Variants in ESRRG observed in about 807,000 individuals in gnomAD.
ESRRG encodes the protein estrogen related receptor gamma.
Under a neutral mutation model 44.0 loss-of-function variants are expected in ESRRG, and 13 were observed. That is an observed-to-expected ratio of 0.30 (90% confidence interval 0.19 to 0.47). The LOEUF is 0.47. Among genes scored for constraint, ESRRG ranks in the 20% least tolerant of loss-of-function variants. ESRRG has a pLI of 1.00. For missense variants in ESRRG, 395 were observed against 580.6 expected (o/e 0.68, Z 3.29); for synonymous variants, 215 against 214.6 (o/e 1.00, Z -0.02).
At chr1:216,937,672 C>A (rs1306484678) in intron 2 of ESRRG, among the ~76,000 whole-genome samples, 3 of 152,168 alleles carry the variant, frequency 2.0e-5, no homozygotes, top group Non-Finnish European at 4.4e-5. Flanking sequence ...CAGCACCCAT[C>A]AAGTCTCTAC....
At chr1:216,541,839 T>C (rs2052891369) in intron 5 of ESRRG, among the ~76,000 whole-genome samples, 1 of 151,962 alleles carries the variant, frequency 6.6e-6, no homozygotes, top group Non-Finnish European at 1.5e-5. Flanking sequence ...CATTTACCTT[T>C]ATCCTGAAAA....
In ESRRG at chr1:216,709,345, A is replaced by G. The variant is rs538533103; in HGVS notation, c.56+13899T>C. Among the ~76,000 whole-genome samples, 699 of 139,328 alleles carry G rather than the reference A, an allele frequency of 5.0e-3. 15 individuals are homozygous for G. Among genetic ancestry groups the G allele is most frequent in the Admixed American group, 0.026 (372 of 14,316 alleles). 91.4% of individuals were successfully genotyped at this position (139,328 alleles called of 152,430 possible). Reference sequence around the variant, plus strand: ...TATATGTGTATGTGTGTGTGTGTGTATATATATATATATATATTCAATTTC... The same window carrying G: ...TATATGTGTATGTGTGTGTGTGTGTGTATATATATATATATATTCAATTTC... On this transcript the variant is annotated intron_variant, in intron 1 of 6. Transcript: ENST00000408911.
intron 1 of ESRRG, among the ~76,000 whole-genome samples, chr1:217,107,251 C>T (rs1017390997): frequency 1.3e-5 from 2 of 152,220 alleles, no homozygotes; most frequent in Non-Finnish European, 2.9e-5. Flanking sequence ...CCTTCGGACG[C>T]TTGGATAAGA....
rs1347398655 is a variant in ESRRG, at chr1:216,994,641, G to A, written c.-105-54968C>T. The stretch of plus-strand genomic sequence containing the variant: ...GTATCGCCCAGGCTGGAGTGCAGTG[G>A]CGCTATGTCGGCTCACTGCAAGCTC... On this transcript the variant is annotated intron_variant, in intron 1 of 7. Coordinates refer to the ESRRG transcript ENST00000359162. Among the ~76,000 whole-genome samples, 6 of 152,222 alleles carry A rather than the reference G, an allele frequency of 3.9e-5. No individual in the cohort carries two copies. In the South Asian group the frequency reaches 1.0e-3, roughly 26 times the overall value.
At chr1:217,023,434 A>G (rs1934123) in intron 1 of ESRRG, among the ~76,000 whole-genome samples, 75,240 of 151,804 alleles carry the variant, frequency 0.5, 18,850 homozygotes, top group Admixed American at 0.57. Context: ...CACTTCTTAT[A>G]GGAGAAGTTT....
intron 5 of ESRRG, among the ~76,000 whole-genome samples, chr1:216,556,441 A>G (rs2057595067): frequency 6.6e-6 from 1 of 152,224 alleles, no homozygotes; most frequent in Admixed American, 6.5e-5. Flanking sequence ...TAGTACATGT[A>G]GAAATCCTCA....
chr1:216,536,205 G>A (rs544667575), intron 5 of ESRRG, among the ~76,000 whole-genome samples: 1 of 152,020 alleles, frequency 6.6e-6, no homozygotes, highest in African/African-American at 2.4e-5. Flanking sequence ...ATCTATGGAT[G>A]TAACAAAACT....
At position 216,506,726 on chromosome 1, in the gene ESRRG, AAG is replaced by A; in HGVS notation, c.*211_*212del. The stretch of plus-strand genomic sequence containing the variant: ...AAAGAGAAAGAGAAATGTGGGAAGA[AAG>A]AGGAAAGAAGATGATGGAGAAAGTA... On this transcript the variant is annotated 3_prime_UTR_variant, in exon 7 of 7. Coordinates refer to ENST00000408911, the MANE Select transcript of ESRRG (RefSeq NM_001438.4). 1.6e-6 allele frequency: 1 copy of A among 644,952 alleles called. No homozygotes were observed. The highest frequency in any genetic ancestry group is 2.8e-6 in the Non-Finnish European group (1 of 360,128). The allele number at this position is 644,952 out of a possible 1,614,324, so 40.0% of individuals were successfully genotyped here.
chr1:216,906,050 G>A (rs774779731), intron 2 of ESRRG, among the ~76,000 whole-genome samples: 3 of 152,152 alleles, frequency 2.0e-5, no homozygotes, highest in Non-Finnish European at 4.4e-5. Flanking sequence ...TGTGCTCAGC[G>A]CTGTTAAAGA....
At position 216,503,825 on chromosome 1, in the gene ESRRG, A is replaced by G. The variant is rs1283383035; in HGVS notation, c.*3114T>C. The G allele has an allele frequency of 6.6e-6, 1 of 152,578 alleles. No individual in the cohort carries two copies. The highest frequency in any genetic ancestry group is 1.5e-5 in the Non-Finnish European group (1 of 68,006). The allele number at this position is 152,578 out of a possible 1,614,324, so 9.5% of individuals were successfully genotyped here. A position where few individuals can be genotyped will look rare whatever the true frequency, so the allele number is the denominator to read the frequency against. On this transcript the variant is annotated 3_prime_UTR_variant, in exon 7 of 7. Transcript: ENST00000408911. The stretch of plus-strand genomic sequence containing the variant: ...GGAGTCACACAATCATATTGCTTTA[A>G]ATAAGAACGAACCTAAAAGAAGCAA...
chr1:216,897,192 C>A (rs1164919894), intron 2 of ESRRG, among the ~76,000 whole-genome samples: 1 of 152,134 alleles, frequency 6.6e-6, no homozygotes, highest in Non-Finnish European at 1.5e-5. Context: ...GAGAAGGACC[C>A]AGTGGATTTG....
At chr1:216,587,544 T>C (rs574884750) in intron 3 of ESRRG, among the ~76,000 whole-genome samples, 1 of 152,280 alleles carries the variant, frequency 6.6e-6, no homozygotes, top group African/African-American at 2.4e-5. Context: ...ATGTATGTAA[T>C]TTTAGCCAGA....
rs1414926581 is a variant in ESRRG at position 217,026,910 on chromosome 1, C to CAG, written c.-106+62596_-106+62597insCT. Among the ~76,000 whole-genome samples, 740 of 97,158 alleles carry CAG rather than the reference C, an allele frequency of 7.6e-3. 4 individuals carry two copies. The highest frequency in any genetic ancestry group is 0.022 in the African/African-American group (562 of 25,092). 63.7% of individuals were successfully genotyped at this position (97,158 alleles called of 152,430 possible). On this transcript the variant is annotated intron_variant, in intron 1 of 7. Coordinates refer to the ESRRG transcript ENST00000359162. ...ACATACACACACACACACACACACA[C>CAG]ACAGAGAGAGAGAGAGAGAGAGAGA...
At chr1:216,910,819 A>G (rs1560075919) in intron 2 of ESRRG, among the ~76,000 whole-genome samples, 1 of 152,194 alleles carries the variant, frequency 6.6e-6, no homozygotes, top group East Asian at 1.9e-4. Flanking sequence ...GTGTACATTG[A>G]TAAGAATTGG....
chr1:216,616,466 CCT>C (rs1219536134), intron 3 of ESRRG, among the ~76,000 whole-genome samples: 1 of 152,050 alleles, frequency 6.6e-6, no homozygotes, highest in African/African-American at 2.4e-5. Flanking sequence ...GATTTGTTTC[CCT>C]CTTTCTCTCA....
intron 2 of ESRRG, among the ~76,000 whole-genome samples, chr1:216,818,652 C>T (rs575296486): frequency 6.6e-6 from 1 of 151,670 alleles, no homozygotes; most frequent in African/African-American, 2.4e-5. Context: ...GCAGGATATG[C>T]AGGTTTGTTA....
chr1:216,950,104 C>T (rs1185809857), intron 1 of ESRRG, among the ~76,000 whole-genome samples: 1 of 152,190 alleles, frequency 6.6e-6, no homozygotes, highest in East Asian at 1.9e-4. Context: ...TGAGCCACCA[C>T]ACCCAGCCCT....
chr1:217,057,318 G>A (rs2087334718), intron 1 of ESRRG, among the ~76,000 whole-genome samples: 1 of 152,122 alleles, frequency 6.6e-6, no homozygotes, highest in Non-Finnish European at 1.5e-5. Flanking sequence ...ATTCTAAAAT[G>A]TCAGAAAAAA....
chr1:216,893,020 A>G (rs1048584217), intron 2 of ESRRG, among the ~76,000 whole-genome samples: 5 of 152,148 alleles, frequency 3.3e-5, no homozygotes, highest in African/African-American at 1.2e-4. Flanking sequence ...CACATTTAAG[A>G]CTACTCACAA....
Sources: allele counts gnomAD v4.1 joint callset (sites outside exome capture counted in the v4.1 genomes callset), GRCh38; gene constraint gnomAD v4.1.1; transcripts MANE v1.5; gene names NCBI Gene and HGNC (gene_info 2026-07-23, HGNC 2026-07-21).